Variants in MTX2 observed in about 807,000 individuals in gnomAD.
MTX2 encodes metaxin-2.
In MTX2, 35 loss-of-function variants were observed where a neutral mutation model predicts 42.3. The ratio of observed to expected loss-of-function variants is 0.83; its 90% CI spans 0.63 to 1.10. The LOEUF is 1.10. MTX2 is among the 50% of genes least tolerant of loss of function. MTX2 has a pLI of 0.00. For missense variants in MTX2, 307 were observed against 304.1 expected, an observed-to-expected ratio of 1.01 and a Z score of -0.07; for synonymous variants, 119 against 100.9, an observed-to-expected ratio of 1.18 and a Z score of -1.08.
intron 1 of MTX2, among the ~76,000 whole-genome samples, chr2:176,270,980 A>G (rs1180701831): frequency 6.6e-6 from 1 of 152,210 alleles, no homozygotes; most frequent in Non-Finnish European, 1.5e-5. Context: ...TATGTTGAAA[A>G]AAAAAACTTC....
intron 3 of MTX2, among the ~76,000 whole-genome samples, chr2:176,317,641 A>AT (rs886808809): frequency 6.6e-6 from 1 of 151,856 alleles, no homozygotes; most frequent in African/African-American, 2.4e-5. Context: ...CAATATGTAG[A>AT]TTTTTTTTCT....
intron 1 of MTX2, among the ~76,000 whole-genome samples, chr2:176,284,916 G>A (rs1693159874): frequency 6.6e-6 from 1 of 152,106 alleles, no homozygotes; most frequent in Non-Finnish European, 1.5e-5. Context: ...CAGATTTTTG[G>A]TCCTCATCTC....
intron 3 of MTX2, among the ~76,000 whole-genome samples, chr2:176,318,905 A>G (rs1684509100): frequency 6.6e-6 from 1 of 152,210 alleles, no homozygotes; most frequent in Admixed American, 6.5e-5. Flanking sequence ...CCTGTTGAGC[A>G]CTTGAAATGT....
chr2:176,296,779 A>C, intron 1 of MTX2, 81 bp from the exon 2 acceptor site: 11 of 1,371,070 alleles, frequency 8.0e-6, no homozygotes, highest in Non-Finnish European at 1.0e-5. Flanking sequence ...GCTGTAGGCA[A>C]ATGTACATGC....
chr2:176,270,822 T>C (rs1387882436), intron 1 of MTX2, among the ~76,000 whole-genome samples: 1 of 152,214 alleles, frequency 6.6e-6, no homozygotes, highest in Non-Finnish European at 1.5e-5. Context: ...ATTGTATCCA[T>C]AGTCAGTTGG....
chr2:176,289,881 G>A (rs1254198141), intron 1 of MTX2, among the ~76,000 whole-genome samples: 1 of 151,948 alleles, frequency 6.6e-6, no homozygotes, highest in Non-Finnish European at 1.5e-5. Context: ...TATTATTGTA[G>A]ATGTCATCTT....
chr2:176,312,863 CAAAA>C (rs557475003), intron 3 of MTX2, among the ~76,000 whole-genome samples: 4 of 56,026 alleles, frequency 7.1e-5, no homozygotes, highest in Non-Finnish European at 1.2e-4. Context: ...AATGCCATCT[CAAAA>C]AAAAAAAAAA....
rs571294875 is a variant in MTX2 at position 176,325,432 on chromosome 2, C to A, written c.209-1393C>A. 4.6e-5 allele frequency among the ~76,000 whole-genome samples: 7 copies of A among 151,718 alleles called. No individual in the cohort carries two copies. In the South Asian group the frequency reaches 1.0e-3, roughly 23 times the overall value. ...ATTTGTTGTGTTTGTTTTTATATAT[C>A]TCTTTATATTTAGAGATATATAAGA... is the stretch of plus-strand genomic sequence containing the variant. On this transcript the variant is annotated intron_variant, in intron 4 of 9. Coordinates refer to ENST00000249442, the MANE Select transcript of MTX2 (RefSeq NM_006554.5).
intron 1 of MTX2, among the ~76,000 whole-genome samples, chr2:176,294,536 A>G (rs1683801305): frequency 6.6e-6 from 1 of 152,142 alleles, no homozygotes; most frequent in African/African-American, 2.4e-5. Context: ...CGGCCTCCCA[A>G]AGTTTTGGGA....
intron 1 of MTX2, 137 bp downstream of exon 1, chr2:176,269,806 C>A: frequency 9.4e-7 from 1 of 1,067,822 alleles, no homozygotes; most frequent in Non-Finnish European, 1.3e-6. Context: ...CGGGCACGGA[C>A]TACCAACCTT....
intron 1 of MTX2, among the ~76,000 whole-genome samples, chr2:176,287,057 A>G (rs544421280): frequency 1.4e-4 from 21 of 152,222 alleles, no homozygotes; most frequent in Admixed American, 1.2e-3. Context: ...AAGCCTTGTT[A>G]TATGTATACC....
intron 4 of MTX2, among the ~76,000 whole-genome samples, chr2:176,325,771 T>G (rs1043342969): frequency 1.3e-5 from 2 of 151,818 alleles, no homozygotes; most frequent in Non-Finnish European, 2.9e-5. Flanking sequence ...TAAAAAAATT[T>G]TTTTTTGCAA....
At chr2:176,291,820 T>C (rs1302480367) in intron 1 of MTX2, among the ~76,000 whole-genome samples, 1 of 151,982 alleles carries the variant, frequency 6.6e-6, no homozygotes, top group Non-Finnish European at 1.5e-5. Context: ...ATAAAATTGT[T>C]CCAGGCAGAA....
intron 3 of MTX2, among the ~76,000 whole-genome samples, chr2:176,304,796 G>T (rs1174129895): frequency 1.3e-5 from 2 of 151,904 alleles, no homozygotes; most frequent in Non-Finnish European, 2.9e-5. Flanking sequence ...AATTTAATTA[G>T]GAAATAAATA....
At chr2:176,307,904 T>C (rs182171119) in intron 3 of MTX2, among the ~76,000 whole-genome samples, 85 of 152,342 alleles carry the variant, frequency 5.6e-4, no homozygotes, top group African/African-American at 1.9e-3. Flanking sequence ...TTCTCTTGCC[T>C]GATTGACCTG....
At chr2:176,280,649 TAAG>T (rs917287841) in intron 1 of MTX2, among the ~76,000 whole-genome samples, 3 of 152,206 alleles carry the variant, frequency 2.0e-5, no homozygotes, top group African/African-American at 7.2e-5. Flanking sequence ...TCGAGTTCCT[TAAG>T]GAGGCAATTC....
At chr2:176,335,695 G>C (rs1030532231) in intron 9 of MTX2, among the ~76,000 whole-genome samples, 1 of 152,050 alleles carries the variant, frequency 6.6e-6, no homozygotes, top group South Asian at 2.1e-4. Context: ...TTTTTGGCCT[G>C]AACAGCTGGT....
At chr2:176,302,466 T>C (rs1197466468) in intron 3 of MTX2, among the ~76,000 whole-genome samples, 11 of 152,158 alleles carry the variant, frequency 7.2e-5, no homozygotes, top group Non-Finnish European at 1.2e-4. Context: ...AGATGGAGTC[T>C]AGCTCTGTCG....
At chr2:176,325,383 G>A (rs1415924854) in intron 4 of MTX2, among the ~76,000 whole-genome samples, 1 of 151,580 alleles carries the variant, frequency 6.6e-6, no homozygotes, top group Non-Finnish European at 1.5e-5. Context: ...GCAGGCTAGT[G>A]ACAGAAAACA....
Sources: gnomAD v4.1 joint callset for allele counts (sites outside exome capture counted in the v4.1 genomes callset) on GRCh38, gnomAD v4.1.1 for gene constraint, MANE v1.5 for transcripts, NCBI Gene and HGNC (gene_info 2026-07-23, HGNC 2026-07-21) for gene names.